SORL1: variants seen among roughly 807,000 people sequenced by gnomAD.
SORL1 encodes the protein sortilin related receptor 1.
In SORL1, 127 loss-of-function variants were observed where a neutral mutation model predicts 273.7. The ratio of observed to expected loss-of-function variants is 0.46; its 90% CI spans 0.40 to 0.54. SORL1 has a LOEUF of 0.54. SORL1 is among the 20% of genes least tolerant of loss of function. The pLI, the probability that SORL1 is intolerant of heterozygous loss-of-function variation, is 0.00. For synonymous variants in SORL1, 1,031 were observed against 1,067.4 expected (o/e 0.97, Z 0.66); for missense variants, 2,494 against 2,846.1 (o/e 0.88, Z 2.81).
intron 12 of SORL1, among the ~76,000 whole-genome samples, chr11:121,540,842 G>T (rs377130387): frequency 6.6e-6 from 1 of 152,190 alleles, no homozygotes; most frequent in African/African-American, 2.4e-5. Context: ...TGTTGGGTTC[G>T]AGGAGCTCTT....
At chr11:121,622,839 G>A (rs1030210773) in intron 45 of SORL1, among the ~76,000 whole-genome samples, 3 of 152,272 alleles carry the variant, frequency 2.0e-5, no homozygotes, top group African/African-American at 7.2e-5. Context: ...CCTGGGAGTA[G>A]ATTTACCACC....
intron 26 of SORL1, among the ~76,000 whole-genome samples, chr11:121,585,701 A>G (rs1307448237): frequency 6.6e-6 from 1 of 152,204 alleles, no homozygotes; most frequent in Non-Finnish European, 1.5e-5. Context: ...AAATTTAAGT[A>G]TACTCTGTAT....
In SORL1 at chr11:121,595,482, C is replaced by A. The variant is rs1463269008; in HGVS notation, c.4370-141C>A. On this transcript the variant is annotated intron_variant, in intron 31 of 47. Coordinates refer to ENST00000260197, the MANE Select transcript of SORL1 (RefSeq NM_003105.6). The surrounding 1 kb of genome is among the most constrained non-coding windows in gnomAD (Gnocchi z 5.1). ...ATTAGATGTCTGTATCTACTCTGCT[C>A]TCTATCCGGAACTCGCATTTGTCTT... 1 of 747,824 alleles carries A rather than the reference C, an allele frequency of 1.3e-6. No homozygotes were observed. The highest frequency in any genetic ancestry group is 2.2e-6 in the Non-Finnish European group (1 of 450,642). 46.3% of individuals were successfully genotyped at this position (747,824 alleles called of 1,614,324 possible). A position where few individuals can be genotyped will look rare whatever the true frequency, so the allele number is the denominator to read the frequency against.
At chr11:121,532,629 C>A in intron 12 of SORL1, 77 bp downstream of exon 12, 1 of 1,187,670 alleles carries the variant, frequency 8.4e-7, no homozygotes, top group South Asian at 1.3e-5. Context: ...ATTGGATTAT[C>A]TCTCTATAGC....
chr11:121,601,795 C>T (rs1219733220), intron 32 of SORL1, among the ~76,000 whole-genome samples: 2 of 152,158 alleles, frequency 1.3e-5, no homozygotes, highest in Non-Finnish European at 1.5e-5. Flanking sequence ...CCAACGTCCT[C>T]AGCTCTACTG....
intron 25 of SORL1, among the ~76,000 whole-genome samples, chr11:121,581,946 A>G (rs1863021189): frequency 6.6e-6 from 1 of 152,270 alleles, no homozygotes; most frequent in Non-Finnish European, 1.5e-5. Flanking sequence ...AAAGTATTCC[A>G]GGCGATGGCT....
At chr11:121,608,260 G>A in intron 38 of SORL1, 84 bp downstream of exon 38, 1 of 1,134,240 alleles carries the variant, frequency 8.8e-7, no homozygotes, top group Non-Finnish European at 1.3e-6. Context: ...GGAAAATGGA[G>A]AAACGTAGTT....
In SORL1 at chr11:121,557,412, G is replaced by T. The variant is rs1012699571; in HGVS notation, c.2663+7G>T. ...TCCTCGTGCCCCAAGAGGGGTAAGTGTTGCCCCAAAAGGAAATCAGTCTTG... is the reference window on the plus strand; with the variant it reads ...TCCTCGTGCCCCAAGAGGGGTAAGTTTTGCCCCAAAAGGAAATCAGTCTTG... On this transcript the variant is annotated splice_region_variant and intron_variant, in intron 19 of 47. Coordinates refer to ENST00000260197, the MANE Select transcript of SORL1 (RefSeq NM_003105.6). The T allele has an allele frequency of 1.6e-5, 26 of 1,603,782 alleles. No homozygotes were observed. The highest frequency in any genetic ancestry group is 2.2e-5 in the Non-Finnish European group (26 of 1,170,530).
chr11:121,611,135 C>T lies in SORL1; in HGVS notation c.5299C>T (p.Leu1767=), dbSNP rs1447154122. 6.2e-7 allele frequency: 1 copy of T among 1,612,300 alleles called. No homozygotes were observed. Among genetic ancestry groups the T allele is most frequent in the Non-Finnish European group, 8.5e-7 (1 of 1,178,506 alleles). The part of the protein sequence containing the change: ...SYGENYLSFT[L]TMESDIKVNG... ...TGGTGAAAATTATCTAAGCTTCACC[C>T]TGACCATGGAGAGTGATATCAAGGT... The change falls in exon 39 of 48, where the codon CTG becomes TTG. Residue 1767 remains leucine (L), a synonymous_variant. Transcript: ENST00000260197.
At chr11:121,577,114 G>A (rs1266306186) in intron 24 of SORL1, 167 bp from the exon 25 acceptor site, 1 of 1,088,648 alleles carries the variant, frequency 9.2e-7, no homozygotes, top group Non-Finnish European at 1.3e-6. Flanking sequence ...CTGACTGGAA[G>A]CTGTTAAATG....
chr11:121,548,893 A>G (rs1862469576), intron 14 of SORL1, among the ~76,000 whole-genome samples: 1 of 152,188 alleles, frequency 6.6e-6, no homozygotes. Flanking sequence ...TGAATAGAGC[A>G]AATAAATGTG....
chr11:121,575,558 G>A (rs1406091410), intron 24 of SORL1, among the ~76,000 whole-genome samples: 1 of 152,254 alleles, frequency 6.6e-6, no homozygotes, highest in East Asian at 1.9e-4. Context: ...GAAATAAGGG[G>A]AGCAAGGGCA....
At chr11:121,483,890 C>T (rs1861433800) in intron 3 of SORL1, among the ~76,000 whole-genome samples, 1 of 151,968 alleles carries the variant, frequency 6.6e-6, no homozygotes, top group African/African-American at 2.4e-5. Context: ...TCATGGGGTA[C>T]TTAGGATTTG....
chr11:121,537,810 C>T (rs982788931), intron 12 of SORL1, among the ~76,000 whole-genome samples: 4 of 152,222 alleles, frequency 2.6e-5, no homozygotes, highest in Admixed American at 2.6e-4. Context: ...ATTCTCCTCC[C>T]TCCAGCTTCT....
In SORL1 at chr11:121,492,737, T is replaced by G. The variant is rs115984989; in HGVS notation, c.758+2627T>G. On this transcript the variant is annotated intron_variant, in intron 5 of 47. Transcript: ENST00000260197. ...CAGCCAATGTGTTAGGGAAGAAATA[T>G]TATCTCTGTGGTTTAATTTGCATTT... Among the ~76,000 whole-genome samples, 733 of 152,244 alleles carry G rather than the reference T, an allele frequency of 4.8e-3. 5 individuals carry two copies. Among genetic ancestry groups the G allele is most frequent in the African/African-American group, 0.017 (703 of 41,542 alleles).
chr11:121,464,864 C>T (rs1050324891), intron 1 of SORL1, among the ~76,000 whole-genome samples: 8 of 152,124 alleles, frequency 5.3e-5, no homozygotes, highest in Non-Finnish European at 8.8e-5. Flanking sequence ...CAGCCTGCCT[C>T]CTGTATGACT....
chr11:121,487,850 T>G (rs1470761428), intron 3 of SORL1, among the ~76,000 whole-genome samples, 182 bp from the exon 4 acceptor site: 1 of 152,184 alleles, frequency 6.6e-6, no homozygotes, highest in Non-Finnish European at 1.5e-5. Context: ...TATGCCAGTG[T>G]CTTTTTATTG....
intron 45 of SORL1, 31 bp from the exon 46 acceptor site, chr11:121,625,054 T>TAG (rs753959511): frequency 6.5e-7 from 1 of 1,531,030 alleles, no homozygotes; most frequent in Admixed American, 1.7e-5. Flanking sequence ...CATATTCGAC[T>TAG]TCCTGAGCAA....
chr11:121,524,290 TG>T (rs1862087058), intron 11 of SORL1, among the ~76,000 whole-genome samples: 1 of 152,250 alleles, frequency 6.6e-6, no homozygotes, highest in South Asian at 2.1e-4. Flanking sequence ...TGGTGTAATC[TG>T]GGATTTGCAC....
Sources: allele counts gnomAD v4.1 joint callset (sites outside exome capture counted in the v4.1 genomes callset), GRCh38; gene constraint gnomAD v4.1.1; non-coding constraint Gnocchi (gnomAD v3.1); transcripts MANE v1.5; gene names NCBI Gene and HGNC (gene_info 2026-07-23, HGNC 2026-07-21).